Variants in MARK3 observed in about 807,000 individuals in gnomAD.
MARK3 encodes the protein microtubule affinity regulating kinase 3, also known as MAP/microtubule affinity-regulating kinase 3.
In MARK3, 46 loss-of-function variants were observed where a neutral mutation model predicts 90.1. That is an observed-to-expected ratio of 0.51 (90% CI 0.40 to 0.65). The LOEUF (loss-of-function observed/expected upper bound fraction) is 0.65. Among genes scored for constraint, MARK3 ranks in the 30% least tolerant of loss-of-function variants. MARK3 has a pLI of 0.00. For synonymous variants in MARK3, 321 were observed against 332.6 expected (o/e 0.97, Z 0.38); for missense variants, 818 against 947.2 (o/e 0.86, Z 1.79).
intron 2 of MARK3, 76 bp from the exon 3 acceptor site, chr14:103,428,311 T>C (rs1216368669): frequency 1.4e-6 from 1 of 719,964 alleles, no homozygotes; most frequent in African/African-American, 1.9e-5. Context: ...TGCTTCTTAA[T>C]GCCATATATC....
At chr14:103,499,569 C>T (rs1321117154) in intron 16 of MARK3, 1 of 152,388 alleles carries the variant, frequency 6.6e-6, no homozygotes, top group African/African-American at 2.4e-5. Flanking sequence ...GTACCTGTGC[C>T]TCTCAAGTCA....
rs1383407341 is a variant in MARK3 at position 103,489,763 on chromosome 14, GC to G, written c.1587-2011del. On this transcript the variant is annotated intron_variant, in intron 14 of 17. Coordinates refer to ENST00000429436, the MANE Select transcript of MARK3 (RefSeq NM_001128918.3). ...TACTTATCCTTAAAGGAAAGAAACT[GC>G]CCTTGAATTCCAAGGACATGATTAC... The G allele has an allele frequency of 2.6e-5, 4 of 152,194 alleles. No homozygotes were observed. The East Asian group carries it at 7.7e-4, about 29-fold the overall frequency. The allele number at this position is 152,194 out of a possible 1,614,324, so 9.4% of individuals were successfully genotyped here.
At chr14:103,493,099 C>A (rs1367105945) in intron 15 of MARK3, among the ~76,000 whole-genome samples, 1 of 152,104 alleles carries the variant, frequency 6.6e-6, no homozygotes, top group Non-Finnish European at 1.5e-5. Flanking sequence ...TGGCCTATAG[C>A]CTATTACTTC....
chr14:103,501,987 A>G (rs190577870), intron 17 of MARK3, among the ~76,000 whole-genome samples: 22 of 152,304 alleles, frequency 1.4e-4, no homozygotes, highest in Admixed American at 4.6e-4. Context: ...TACATAGACT[A>G]TTTTACTCCC....
At chr14:103,487,627 C>T (rs535229799) in intron 14 of MARK3, among the ~76,000 whole-genome samples, 1 of 152,276 alleles carries the variant, frequency 6.6e-6, no homozygotes, top group South Asian at 2.1e-4. Context: ...GGCACATCTA[C>T]TGATACTAGC....
intron 1 of MARK3, 117 bp downstream of exon 1, chr14:103,386,197 C>A (rs2089778267): frequency 1.3e-5 from 13 of 987,062 alleles, no homozygotes; most frequent in Non-Finnish European, 2.0e-5. Flanking sequence ...AGAGGGCAGG[C>A]CGTAGTCACC....
intron 1 of MARK3, among the ~76,000 whole-genome samples, chr14:103,394,285 G>A (rs549654899): frequency 6.6e-6 from 1 of 152,316 alleles, no homozygotes; most frequent in African/African-American, 2.4e-5. Context: ...TACCTGGGAA[G>A]CTTTAATGTC....
intron 3 of MARK3, among the ~76,000 whole-genome samples, chr14:103,434,532 T>C (rs2092669022): frequency 6.6e-6 from 1 of 152,334 alleles, no homozygotes; most frequent in South Asian, 2.1e-4. Flanking sequence ...TGGGAAAAGC[T>C]GTCCATAGCA....
intron 15 of MARK3, among the ~76,000 whole-genome samples, chr14:103,493,710 AC>A (rs2075144626): frequency 6.6e-6 from 1 of 151,628 alleles, no homozygotes; most frequent in African/African-American, 2.4e-5. Flanking sequence ...CCCCATCTCT[AC>A]TAAAAATACA....
chr14:103,501,371 G>A (rs1327075960), intron 17 of MARK3, among the ~76,000 whole-genome samples: 1 of 152,172 alleles, frequency 6.6e-6, no homozygotes, highest in African/African-American at 2.4e-5. Flanking sequence ...ACCTACGTGG[G>A]CATCAAGTAA....
intron 1 of MARK3, among the ~76,000 whole-genome samples, chr14:103,392,590 C>T (rs2090328866): frequency 6.6e-6 from 1 of 152,122 alleles, no homozygotes; most frequent in Non-Finnish European, 1.5e-5. Flanking sequence ...CTAAACTATA[C>T]TCCTTTTAGA....
chr14:103,390,141 G>C (rs1343815803), intron 1 of MARK3, among the ~76,000 whole-genome samples: 2 of 151,826 alleles, frequency 1.3e-5, no homozygotes, highest in Non-Finnish European at 2.9e-5. Flanking sequence ...CCAGCTACTC[G>C]GGAGGCTGAG....
At position 103,503,109 on chromosome 14, in the gene MARK3, TG is replaced by T; in HGVS notation, c.2146del (p.Glu716LysfsTer10). On this transcript the variant is annotated frameshift_variant, in exon 18 of 18. Transcript: ENST00000429436. LOFTEE classifies it high-confidence loss of function. ...GHAENLVQWE[M>X]EVCKLPRLSL... Reference sequence around the variant, plus strand: ...GCGGAGAACCTCGTGCAGTGGGAAATGGAAGTGTGCAAGCTGCCAAGACTGT... The same window carrying T: ...GCGGAGAACCTCGTGCAGTGGGAAATGAAGTGTGCAAGCTGCCAAGACTGT... 1 of 1,614,098 alleles carries T rather than the reference TG, an allele frequency of 6.2e-7. No homozygotes were observed. Among genetic ancestry groups the T allele is most frequent in the South Asian group, 1.1e-5 (1 of 91,076 alleles).
chr14:103,492,724 TA>T (rs1157823240), intron 15 of MARK3, among the ~76,000 whole-genome samples: 2 of 152,188 alleles, frequency 1.3e-5, no homozygotes, highest in African/African-American at 4.8e-5. Context: ...GGGGCCTCAG[TA>T]AACTCTCAAG....
At chr14:103,432,973 A>G (rs2092625013) in intron 3 of MARK3, among the ~76,000 whole-genome samples, 1 of 152,166 alleles carries the variant, frequency 6.6e-6, no homozygotes, top group African/African-American at 2.4e-5. Flanking sequence ...CCACATAGAA[A>G]AGTAACCGAT....
chr14:103,497,082 C>T (rs1256144000), intron 15 of MARK3, among the ~76,000 whole-genome samples: 2 of 151,992 alleles, frequency 1.3e-5, no homozygotes, highest in Admixed American at 6.6e-5. Flanking sequence ...AATTAGGAAA[C>T]GAAAATATAT....
At chr14:103,424,791 C>T (rs919260122) in intron 2 of MARK3, among the ~76,000 whole-genome samples, 2 of 152,070 alleles carry the variant, frequency 1.3e-5, no homozygotes, top group African/African-American at 4.8e-5. Flanking sequence ...TGTAAAATTA[C>T]TTATGAAGGT....
chr14:103,495,980 C>G (rs1187255347), intron 15 of MARK3, among the ~76,000 whole-genome samples: 1 of 152,202 alleles, frequency 6.6e-6, no homozygotes, highest in Non-Finnish European at 1.5e-5. Flanking sequence ...GAAGCCTGCA[C>G]TCTGCTTGGA....
At position 103,491,865 on chromosome 14, in the gene MARK3, A is replaced by G. The variant is rs768169175; in HGVS notation, c.1675A>G (p.Thr559Ala). ...TPDRIRFPRGTASRSTFHGQP... is the reference protein window; with the variant it reads ...TPDRIRFPRGAASRSTFHGQP... ...AGATCGAATCCGCTTCCCAAGAGGC[A>G]CTGCCAGTCGTAGCACTTTCCACGG... is the stretch of plus-strand genomic sequence containing the variant. Residue 559 changes from threonine to alanine, a missense_variant, in exon 15 of 18, where the codon ACT becomes GCT. Thr to Ala is a moderately conservative substitution (Grantham distance 58). Transcript: ENST00000429436. 3 of 1,614,212 alleles carry G rather than the reference A, an allele frequency of 1.9e-6. No homozygotes were observed. The highest frequency in any genetic ancestry group is 2.2e-5 in the East Asian group (1 of 44,886).
Sources: gnomAD v4.1 joint callset for allele counts (sites outside exome capture counted in the v4.1 genomes callset) on GRCh38, gnomAD v4.1.1 for gene constraint, MANE v1.5 for transcripts, NCBI Gene and HGNC (gene_info 2026-07-23, HGNC 2026-07-21) for gene names.